SPMIP1: variants seen among roughly 807,000 people sequenced by gnomAD.
The protein encoded by SPMIP1 is protein SPMIP1.
chr7:128,867,059 C>A, the SPMIP1 span, among the ~76,000 whole-genome samples: 1 of 152,152 alleles, frequency 6.6e-6, no homozygotes, highest in African/African-American at 2.4e-5. Flanking sequence ...AGGCTGAGAG[C>A]CAGATGATAA....
the SPMIP1 span, among the ~76,000 whole-genome samples, chr7:128,867,603 ACT>A: frequency 6.6e-5 from 10 of 150,858 alleles, no homozygotes; most frequent in Non-Finnish European, 1.2e-4. Flanking sequence ...AAACAGTCTG[ACT>A]CTGTCACCCA....
chr7:128,866,719 T>C, the SPMIP1 span: 2 of 1,535,628 alleles, frequency 1.3e-6, no homozygotes, highest in Admixed American at 2.0e-5. Context: ...TGAAGGCATC[T>C]CCCACGACTT....
the SPMIP1 span, chr7:128,870,072 G>C: frequency 2.0e-5 from 3 of 152,282 alleles, no homozygotes; most frequent in African/African-American, 7.2e-5. Context: ...GCGGCCCCCA[G>C]CTTTGCCACC....
the SPMIP1 span, chr7:128,869,280 C>G: frequency 1.2e-5 from 2 of 171,966 alleles, no homozygotes; most frequent in East Asian, 3.1e-4. Flanking sequence ...GCTGAGCGTC[C>G]GCGGCTCAGT....
chr7:128,868,655 T>C, the SPMIP1 span: 2 of 1,523,568 alleles, frequency 1.3e-6, no homozygotes, highest in Non-Finnish European at 1.8e-6. Flanking sequence ...GCCTCTGACA[T>C]CTTTTCCCAG....
At chr7:128,867,580 CTTTT>C in the SPMIP1 span, among the ~76,000 whole-genome samples, 224 of 147,706 alleles carry the variant, frequency 1.5e-3, 3 homozygotes, top group Admixed American at 0.012. Flanking sequence ...TTTTTTTTTT[CTTTT>C]TCTTTTTGAA....
the SPMIP1 span, chr7:128,868,769 C>T: frequency 2.0e-6 from 3 of 1,533,388 alleles, no homozygotes; most frequent in South Asian, 2.4e-5. Flanking sequence ...GAGACCTGGC[C>T]CTCTGACCGT....
At chr7:128,866,629 A>G in the SPMIP1 span, 13 of 1,210,098 alleles carry the variant, frequency 1.1e-5, no homozygotes, top group Non-Finnish European at 1.1e-5. Context: ...AGCCCCTTCC[A>G]AGGTGCCCAG....
chr7:128,868,812 AAAT>A, the SPMIP1 span: 1 of 1,409,980 alleles, frequency 7.1e-7, no homozygotes, highest in African/African-American at 1.4e-5. Flanking sequence ...AGGGAAGAAG[AAAT>A]AACAGGCCTC....
the SPMIP1 span, chr7:128,870,625 AGGCAGGTTTTGGGAG>A: frequency 1.3e-5 from 2 of 152,210 alleles, no homozygotes; most frequent in East Asian, 3.9e-4. Flanking sequence ...CATCTTGGGA[AGGCAGGTTTTGGGAG>A]GGCAGGTCCC....
At chr7:128,867,996 G>A in the SPMIP1 span, among the ~76,000 whole-genome samples, 37 of 152,308 alleles carry the variant, frequency 2.4e-4, no homozygotes, top group East Asian at 5.6e-3. Flanking sequence ...TGTCCATCTC[G>A]GCTGAGTCTT....
At chr7:128,869,928 C>T in the SPMIP1 span, 1 of 124,126 alleles carries the variant, frequency 8.1e-6, no homozygotes, top group South Asian at 2.5e-4. Context: ...CCCCGGAGAG[C>T]CCCGAGGAGC....
At chr7:128,866,389 G>A in the SPMIP1 span, 1 of 1,500,644 alleles carries the variant, frequency 6.7e-7, no homozygotes, top group Non-Finnish European at 8.9e-7. Flanking sequence ...CCACCCTGGT[G>A]CCACTCCTTC....
chr7:128,871,021 A>G, the SPMIP1 span: 1 of 152,306 alleles, frequency 6.6e-6, no homozygotes, highest in Non-Finnish European at 1.5e-5. Flanking sequence ...AGGAAGAAAG[A>G]CCAGTATTGG....
the SPMIP1 span, chr7:128,866,632 G>A: frequency 6.5e-7 from 1 of 1,532,204 alleles, no homozygotes; most frequent in Non-Finnish European, 8.7e-7. Flanking sequence ...CCCTTCCAAG[G>A]TGCCCAGCCC....
the SPMIP1 span, chr7:128,866,731 CA>C: frequency 2.0e-6 from 3 of 1,535,940 alleles, no homozygotes; most frequent in Non-Finnish European, 2.6e-6. Context: ...CCACGACTTC[CA>C]GGGGCGGTAC....
At chr7:128,867,066 A>G in the SPMIP1 span, among the ~76,000 whole-genome samples, 1 of 152,216 alleles carries the variant, frequency 6.6e-6, no homozygotes, top group African/African-American at 2.4e-5. Flanking sequence ...GAGCCAGATG[A>G]TAAGGATGGG....
chr7:128,866,667 G>A, the SPMIP1 span: 191 of 1,532,828 alleles, frequency 1.2e-4, no homozygotes, highest in Admixed American at 2.2e-4. Flanking sequence ...CTTTTCAGTC[G>A]GAAATGTACC....
the SPMIP1 span, chr7:128,869,561 C>T: frequency 6.6e-6 from 1 of 152,196 alleles, no homozygotes; most frequent in East Asian, 1.9e-4. Flanking sequence ...CAGTCAGCGT[C>T]CGGCCGCCCC....
Sources: gnomAD v4.1 joint callset for allele counts (sites outside exome capture counted in the v4.1 genomes callset) on GRCh38, gnomAD v4.1.1 for gene constraint, MANE v1.5 for transcripts, NCBI Gene and HGNC (gene_info 2026-07-23, HGNC 2026-07-21) for gene names.